The following DARS1 variants were observed in gnomAD, a reference collection of about 807,000 sequenced individuals.
The protein encoded by DARS1 is aspartate--tRNA ligase, cytoplasmic.
DARS1 carries 51 observed loss-of-function variants against 68.8 expected under a neutral mutation model. That is an observed-to-expected ratio of 0.74 (90% CI 0.59 to 0.94). DARS1 has a LOEUF of 0.94. Ranked by LOEUF, DARS1 falls within the 40% of genes least tolerant of loss-of-function variation. The pLI is 0.00. For missense variants in DARS1, 607 were observed against 597.3 expected (o/e 1.02, Z -0.17); for synonymous variants, 203 against 190.4 (o/e 1.07, Z -0.55).
chr2:135,931,788 A>C (rs1261480782), intron 7 of DARS1, among the ~76,000 whole-genome samples: 1 of 152,170 alleles, frequency 6.6e-6, no homozygotes, highest in Admixed American at 6.5e-5. Context: ...CTTTTTAAGA[A>C]GTGCCATCCA....
intron 7 of DARS1, among the ~76,000 whole-genome samples, chr2:135,930,404 T>C (rs1244859661): frequency 2.0e-5 from 3 of 152,110 alleles, no homozygotes; most frequent in African/African-American, 7.2e-5. Context: ...GAATTGTCTA[T>C]CCCCTTGGCA....
chr2:135,983,460 A>C lies in DARS1; in HGVS notation c.67-6T>G. 2 of 1,105,424 alleles carry C rather than the reference A, an allele frequency of 1.8e-6. No homozygotes were observed. Among genetic ancestry groups the C allele is most frequent in the Non-Finnish European group, 2.7e-6 (2 of 733,862 alleles). The allele number at this position is 1,105,424 out of a possible 1,614,324, so 68.5% of individuals were successfully genotyped here. On this transcript the variant is annotated splice_region_variant and splice_polypyrimidine_tract_variant and intron_variant, in intron 1 of 15. Coordinates refer to ENST00000264161, the MANE Select transcript of DARS1 (RefSeq NM_001349.4). ...TATCTCTCTTTAGCATAATCCTACA[A>C]AAAAAGTTTTTTGCATCGTGACTTT...
intron 5 of DARS1, 189 bp downstream of exon 5, chr2:135,943,188 TA>T: frequency 1.3e-6 from 1 of 753,204 alleles, no homozygotes; most frequent in Non-Finnish European, 2.0e-6. Flanking sequence ...TGTAAGCAAA[TA>T]AATGTTTGTT....
intron 4 of DARS1, among the ~76,000 whole-genome samples, chr2:135,947,301 T>C (rs1681746854): frequency 6.6e-6 from 1 of 151,248 alleles, no homozygotes; most frequent in East Asian, 2.0e-4. Flanking sequence ...CCAGCTACTC[T>C]GGAGGCTGAG....
chr2:135,959,273 A>T (rs1682045285), intron 4 of DARS1, among the ~76,000 whole-genome samples: 1 of 151,804 alleles, frequency 6.6e-6, no homozygotes, highest in Non-Finnish European at 1.5e-5. Flanking sequence ...ATATGCCTGT[A>T]ATCCCAGCTA....
intron 15 of DARS1, among the ~76,000 whole-genome samples, chr2:135,909,284 A>G (rs1680850384): frequency 1.3e-5 from 2 of 152,134 alleles, no homozygotes; most frequent in African/African-American, 4.8e-5. Context: ...CCCAGAACTT[A>G]AAAAAACAAA....
At chr2:135,967,935 T>C (rs1218857423) in intron 3 of DARS1, among the ~76,000 whole-genome samples, 1 of 152,160 alleles carries the variant, frequency 6.6e-6, no homozygotes, top group Non-Finnish European at 1.5e-5. Flanking sequence ...TCAGGGTTTT[T>C]GCAAATTCAG....
intron 1 of DARS1, among the ~76,000 whole-genome samples, chr2:135,984,722 T>C (rs1682731397): frequency 6.6e-6 from 1 of 152,082 alleles, no homozygotes; most frequent in South Asian, 2.1e-4. Context: ...CAGACGGAAA[T>C]TAAGGCTTAA....
Position 135,911,438 on chromosome 2 carries a change from G to T in DARS1, c.1286C>A (p.Ala429Asp). The T allele has an allele frequency of 1.8e-6, 2 of 1,115,268 alleles. No homozygotes were observed. Among genetic ancestry groups the T allele is most frequent in the Non-Finnish European group, 2.8e-6 (2 of 723,734 alleles). 69.1% of individuals were successfully genotyped at this position (1,115,268 alleles called of 1,614,324 possible). ...FMRGEEILSG[A>D]QRIHDPQLLT... ...CAGTTGAGGATCATGTATTCTTTGA[G>T]CTCCTGACAATATTTCTTCTCCTCT... is the stretch of plus-strand genomic sequence containing the variant. Residue 429 changes from alanine to aspartate, a missense_variant, in exon 14 of 16, where the codon GCT becomes GAT. By Grantham distance (126) the Ala-to-Asp change is moderately radical. Coordinates refer to ENST00000264161, the MANE Select transcript of DARS1 (RefSeq NM_001349.4).
At chr2:135,958,578 C>T (rs1682028770) in intron 4 of DARS1, among the ~76,000 whole-genome samples, 1 of 152,162 alleles carries the variant, frequency 6.6e-6, no homozygotes, top group Non-Finnish European at 1.5e-5. Context: ...TAGGTTACAT[C>T]ACACAGAAAG....
intron 3 of DARS1, among the ~76,000 whole-genome samples, chr2:135,963,815 G>T (rs553530428): frequency 6.6e-6 from 1 of 152,042 alleles, no homozygotes; most frequent in East Asian, 1.9e-4. Flanking sequence ...GAGTAGCTGG[G>T]ACTACAAGTG....
intron 3 of DARS1, among the ~76,000 whole-genome samples, chr2:135,978,294 A>T (rs888645045): frequency 3.9e-5 from 6 of 152,184 alleles, no homozygotes; most frequent in African/African-American, 1.2e-4. Flanking sequence ...AAACACAATT[A>T]AAAAATGCTA....
intron 5 of DARS1, among the ~76,000 whole-genome samples, chr2:135,934,783 T>C (rs1049723636): frequency 7.9e-5 from 12 of 151,636 alleles, no homozygotes; most frequent in Non-Finnish European, 1.6e-4. Context: ...AATTAACATA[T>C]GACTTGCTAT....
chr2:135,958,430 TAG>T (rs1319965533), intron 4 of DARS1, among the ~76,000 whole-genome samples: 5 of 152,192 alleles, frequency 3.3e-5, no homozygotes, highest in Non-Finnish European at 1.5e-5. Flanking sequence ...TAACAATTTT[TAG>T]GAAAAGGATT....
chr2:135,933,525 A>AT (rs1681398993), intron 6 of DARS1, among the ~76,000 whole-genome samples: 1 of 152,102 alleles, frequency 6.6e-6, no homozygotes, highest in Non-Finnish European at 1.5e-5. Flanking sequence ...AACAATAATT[A>AT]TTTTTTGCTT....
intron 1 of DARS1, among the ~76,000 whole-genome samples, chr2:135,984,653 C>A (rs1682726717): frequency 6.6e-6 from 1 of 152,144 alleles, no homozygotes; most frequent in Admixed American, 6.5e-5. Flanking sequence ...TCTAAGATGA[C>A]CTTACTTCTC....
At chr2:135,965,560 T>C (rs921086235) in intron 3 of DARS1, among the ~76,000 whole-genome samples, 2 of 152,156 alleles carry the variant, frequency 1.3e-5, no homozygotes, top group African/African-American at 4.8e-5. Context: ...AAATACAAAA[T>C]ATAAAATCGA....
chr2:135,920,316 T>C (rs945349988), intron 10 of DARS1, 137 bp downstream of exon 10: 4 of 1,330,664 alleles, frequency 3.0e-6, no homozygotes, highest in Non-Finnish European at 3.9e-6. Context: ...ACCAATTAAA[T>C]GGATCATCTA....
At chr2:135,914,651 TA>T (rs1680969542) in intron 11 of DARS1, 140 bp from the exon 12 acceptor site, 1 of 674,906 alleles carries the variant, frequency 1.5e-6, no homozygotes, top group Non-Finnish European at 2.7e-6. Context: ...GCTCTTTTCT[TA>T]AAAGGCAAGT....
Sources: allele counts gnomAD v4.1 joint callset (sites outside exome capture counted in the v4.1 genomes callset), GRCh38; gene constraint gnomAD v4.1.1; transcripts MANE v1.5; gene names NCBI Gene and HGNC (gene_info 2026-07-23, HGNC 2026-07-21).